Variants in RBFOX3 observed in about 807,000 individuals in gnomAD.
The protein encoded by RBFOX3 is RNA binding protein fox-1 homolog 3.
RBFOX3 carries 17 observed loss-of-function variants against 48.7 expected under a neutral mutation model. The observed-to-expected ratio is 0.35, with a 90% CI of 0.24 to 0.52. RBFOX3 has a LOEUF of 0.52. Among genes scored for constraint, RBFOX3 ranks in the 20% least tolerant of loss-of-function variants. The pLI is 0.94. For synonymous variants in RBFOX3, 212 were observed against 209.5 expected (o/e 1.01, Z -0.10); for missense variants, 382 against 497.5 (o/e 0.77, Z 2.21).
At chr17:79,124,054 C>T (rs1288437620) in intron 4 of RBFOX3, among the ~76,000 whole-genome samples, 3 of 152,218 alleles carry the variant, frequency 2.0e-5, no homozygotes, top group African/African-American at 7.2e-5. Context: ...CAGGGAAGCG[C>T]AAGATGAGTT....
intron 1 of RBFOX3, among the ~76,000 whole-genome samples, chr17:79,493,173 C>T (rs797025412): frequency 9.2e-5 from 14 of 151,988 alleles, no homozygotes; most frequent in African/African-American, 3.4e-4. Flanking sequence ...ATGAGGGAGG[C>T]ACCACACTCT....
intron 3 of RBFOX3, among the ~76,000 whole-genome samples, chr17:79,267,041 G>A (rs1374922918): frequency 6.6e-6 from 1 of 152,162 alleles, no homozygotes; most frequent in East Asian, 1.9e-4. Flanking sequence ...CAGAAGGTGG[G>A]TCCTGAAACT....
intron 2 of RBFOX3, among the ~76,000 whole-genome samples, chr17:79,332,024 G>GT (rs1029569362): frequency 5.3e-5 from 8 of 152,162 alleles, no homozygotes; most frequent in African/African-American, 1.9e-4. Context: ...GAGCAACCAC[G>GT]TGTCCAGACT....
chr17:79,338,831 G>C (rs970647757), intron 2 of RBFOX3, among the ~76,000 whole-genome samples: 1 of 152,164 alleles, frequency 6.6e-6, no homozygotes, highest in African/African-American at 2.4e-5. Context: ...GACAAATAAA[G>C]AGCTAGCTCA....
intron 1 of RBFOX3, among the ~76,000 whole-genome samples, chr17:79,593,058 G>C (rs1463212357): frequency 6.6e-6 from 1 of 152,138 alleles, no homozygotes; most frequent in African/African-American, 2.4e-5. Context: ...CCCACACTGG[G>C]CTCTTGCCAC....
At chr17:79,328,993 G>A (rs2079780937) in intron 2 of RBFOX3, among the ~76,000 whole-genome samples, 1 of 152,152 alleles carries the variant, frequency 6.6e-6, no homozygotes. Context: ...GGTATGGGCT[G>A]AAGGCAGAGG....
chr17:79,270,250 C>T (rs2067427116), intron 3 of RBFOX3, among the ~76,000 whole-genome samples: 1 of 152,242 alleles, frequency 6.6e-6, no homozygotes, highest in Non-Finnish European at 1.5e-5. Flanking sequence ...CAGCCCTGTG[C>T]TGATCACTTC....
At chr17:79,401,967 GCT>G (rs2062870062) in intron 2 of RBFOX3, among the ~76,000 whole-genome samples, 1 of 152,220 alleles carries the variant, frequency 6.6e-6, no homozygotes, top group Non-Finnish European at 1.5e-5. Context: ...ACCGCATACG[GCT>G]CTCTTACAGG....
At chr17:79,269,333 G>A (rs2067265457) in intron 3 of RBFOX3, among the ~76,000 whole-genome samples, 1 of 152,182 alleles carries the variant, frequency 6.6e-6, no homozygotes. Flanking sequence ...AGGCATTTCT[G>A]CTGTTGAAGC....
chr17:79,153,036 G>GT (rs1356456953), intron 4 of RBFOX3, among the ~76,000 whole-genome samples: 2 of 152,218 alleles, frequency 1.3e-5, no homozygotes, highest in African/African-American at 2.4e-5. Context: ...GTGCAGGGCA[G>GT]GACATCTGCC....
At chr17:79,406,329 C>G (rs187771520) in intron 2 of RBFOX3, among the ~76,000 whole-genome samples, 2 of 152,280 alleles carry the variant, frequency 1.3e-5, no homozygotes, top group Non-Finnish European at 2.9e-5. Flanking sequence ...AAAATTCTCA[C>G]CCGTGGCTCC....
intron 4 of RBFOX3, among the ~76,000 whole-genome samples, chr17:79,209,759 G>T (rs8071345): frequency 2.6e-5 from 4 of 151,868 alleles, no homozygotes; most frequent in African/African-American, 7.3e-5. Context: ...TTTGGGAGGC[G>T]GAGGCGGGTG....
At chr17:79,255,155 C>A (rs1362654512) in intron 3 of RBFOX3, among the ~76,000 whole-genome samples, 3 of 152,230 alleles carry the variant, frequency 2.0e-5, no homozygotes, top group African/African-American at 7.2e-5. Flanking sequence ...CACACCCCTC[C>A]CAGCCAGTCT....
intron 1 of RBFOX3, among the ~76,000 whole-genome samples, chr17:79,505,356 G>A (rs2082948585): frequency 6.6e-6 from 1 of 152,114 alleles, no homozygotes; most frequent in Non-Finnish European, 1.5e-5. Flanking sequence ...AACAACAGAG[G>A]TGGGTGTATA....
intron 3 of RBFOX3, among the ~76,000 whole-genome samples, chr17:79,262,393 G>A (rs986276457): frequency 6.6e-6 from 1 of 152,258 alleles, no homozygotes. Flanking sequence ...GAGGGGACAC[G>A]GTCCCTCTCC....
At chr17:79,478,602 G>A (rs542908196) in intron 2 of RBFOX3, among the ~76,000 whole-genome samples, 107 of 152,294 alleles carry the variant, frequency 7.0e-4, no homozygotes, top group South Asian at 2.9e-3. Flanking sequence ...CCCCAACAAC[G>A]AACAGCAATG....
chr17:79,330,765 G>A (rs938510101), intron 2 of RBFOX3, among the ~76,000 whole-genome samples: 10 of 152,272 alleles, frequency 6.6e-5, no homozygotes, highest in East Asian at 3.9e-4. Flanking sequence ...TCCTTGGGCC[G>A]CTCCCTGATC....
chr17:79,179,362 C>T (rs1038720178), intron 4 of RBFOX3, among the ~76,000 whole-genome samples: 6 of 152,216 alleles, frequency 3.9e-5, no homozygotes, highest in African/African-American at 1.4e-4. Flanking sequence ...TCGGAAACGC[C>T]GCATCCTCCA....
chr17:79,397,493 C>CCA (rs1555707645), intron 2 of RBFOX3, among the ~76,000 whole-genome samples: 3 of 119,702 alleles, frequency 2.5e-5, no homozygotes, highest in African/African-American at 8.5e-5. Context: ...ACTCCATCCC[C>CCA]AAAAAAAAAA....
Sources: gnomAD v4.1 joint callset for allele counts (sites outside exome capture counted in the v4.1 genomes callset) on GRCh38, gnomAD v4.1.1 for gene constraint, MANE v1.5 for transcripts, NCBI Gene and HGNC (gene_info 2026-07-23, HGNC 2026-07-21) for gene names.